The following BAG1 variants were observed in gnomAD, a reference collection of about 807,000 sequenced individuals.
BAG1 encodes the protein BAG cochaperone 1.
BAG1 carries 35 observed loss-of-function variants against 35.5 expected under a neutral mutation model. The ratio of observed to expected loss-of-function variants is 0.99; its 90% CI spans 0.75 to 1.31. BAG1 has a LOEUF of 1.31. BAG1 is among the 50% of genes most tolerant of loss of function. The pLI is 0.00. For missense variants in BAG1, 464 were observed against 453.6 expected, an observed-to-expected ratio of 1.02 and a Z score of -0.21; for synonymous variants, 191 against 178.9, an observed-to-expected ratio of 1.07 and a Z score of -0.54.
Position 33,255,110 on chromosome 9 carries a change from T to C in BAG1, c.*109A>G, listed in dbSNP as rs1248444318. ...GTGTGAGAGTAGGAAAATTGGCAAATGGCCAGTTGCCCCCAGCAGCCCTGA... is the reference window on the plus strand; with the variant it reads ...GTGTGAGAGTAGGAAAATTGGCAAACGGCCAGTTGCCCCCAGCAGCCCTGA... On this transcript the variant is annotated 3_prime_UTR_variant, in exon 7 of 7. Coordinates refer to ENST00000634734, the MANE Select transcript of BAG1 (RefSeq NM_004323.6). The C allele has an allele frequency of 1.2e-6, 2 of 1,610,704 alleles. No homozygotes were observed. Among genetic ancestry groups the C allele is most frequent in the Non-Finnish European group, 1.7e-6 (2 of 1,178,336 alleles).
At chr9:33,263,001 ATC>A (rs1361954209) in intron 1 of BAG1, among the ~76,000 whole-genome samples, 171 bp from the exon 2 acceptor site, 1 of 152,200 alleles carries the variant, frequency 6.6e-6, no homozygotes, top group Non-Finnish European at 1.5e-5. Flanking sequence ...CTCCTCAAGT[ATC>A]TCTGTTTCCT....
At chr9:33,258,824 A>G in intron 4 of BAG1, 96 bp downstream of exon 4, 1 of 964,538 alleles carries the variant, frequency 1.0e-6, no homozygotes, top group South Asian at 1.4e-5. Flanking sequence ...ATCTGAACCC[A>G]GGGAGTCTGA....
At chr9:33,259,351 G>A (rs899215676) in intron 3 of BAG1, 4 of 170,360 alleles carry the variant, frequency 2.3e-5, no homozygotes, top group Non-Finnish European at 3.7e-5. Context: ...GTGACAGAGC[G>A]AGACTGTCTC....
chr9:33,260,008 T>C (rs190768080), intron 3 of BAG1: 2 of 152,352 alleles, frequency 1.3e-5, no homozygotes, highest in East Asian at 3.9e-4. Flanking sequence ...GACTTTTTTC[T>C]TTTTTGAGAT....
chr9:33,256,257 C>T (rs142139464), intron 5 of BAG1, among the ~76,000 whole-genome samples: 23 of 152,288 alleles, frequency 1.5e-4, no homozygotes, highest in African/African-American at 5.5e-4. Flanking sequence ...CTCATTGTGA[C>T]AGGAAAAGTG....
At chr9:33,262,347 A>C (rs963345664) in intron 2 of BAG1, 2 of 1,188,668 alleles carry the variant, frequency 1.7e-6, no homozygotes, top group African/African-American at 3.2e-5. Flanking sequence ...GGCCATAAGG[A>C]AAAGCCGGAA....
Position 33,256,794 on chromosome 9 carries a change from T to TA in BAG1, c.885+6dup. On this transcript the variant is annotated splice_region_variant and intron_variant, in intron 5 of 6. Transcript: ENST00000634734. ...AACTAGTTCTTCTCAGCTGAATATT[T>TA]ACTTACCAGTGTGTCAATCTCCTCC... 1 of 1,605,894 alleles carries TA rather than the reference T, an allele frequency of 6.2e-7. No homozygotes were observed. The highest frequency in any genetic ancestry group is 8.5e-7 in the Non-Finnish European group (1 of 1,172,854).
In BAG1 at chr9:33,256,876, A is replaced by C; in HGVS notation, c.810T>G (p.Ala270=). 1.2e-6 allele frequency: 2 copies of C among 1,614,174 alleles called. No homozygotes were observed. Among genetic ancestry groups the C allele is most frequent in the Non-Finnish European group, 1.7e-6 (2 of 1,180,016 alleles). ...TTACTCTCCTATCAAGTTTGCAGAG[A>C]GCTTCAGCTTGCAAATCCTTGGGCA... The change falls in exon 5 of 7, where the codon GCT becomes GCG. Residue 270 remains alanine (A), a synonymous_variant. Coordinates refer to ENST00000634734, the MANE Select transcript of BAG1 (RefSeq NM_004323.6).
Position 33,256,845 on chromosome 9 carries a change from T to G in BAG1, c.841A>C (p.Thr281Pro). Residue 281 changes from threonine to proline, a missense_variant, in exon 5 of 7, where the codon ACA becomes CCA. Coordinates refer to ENST00000634734, the MANE Select transcript of BAG1 (RefSeq NM_004323.6). ...AAGATCTTCATAAACTGCTCTATTGTGGCTTTTACTCTCCTATCAAGTTTG... is the reference window on the plus strand; with the variant it reads ...AAGATCTTCATAAACTGCTCTATTGGGGCTTTTACTCTCCTATCAAGTTTG... The G allele has an allele frequency of 1.9e-6, 3 of 1,614,228 alleles. No individual in the cohort carries two copies. Among genetic ancestry groups the G allele is most frequent in the Non-Finnish European group, 2.5e-6 (3 of 1,180,026 alleles).
At chr9:33,256,746 G>T in intron 5 of BAG1, 55 bp downstream of exon 5, 1 of 1,411,964 alleles carries the variant, frequency 7.1e-7, no homozygotes, top group Non-Finnish European at 1.0e-6. Flanking sequence ...AAGAGTGAAT[G>T]TGACTGAAAT....
Position 33,263,306 on chromosome 9 carries a change from C to G in BAG1, c.452-476G>C, listed in dbSNP as rs7856357. Among the ~76,000 whole-genome samples, 887 of 152,310 alleles carry G rather than the reference C, an allele frequency of 5.8e-3. 8 individuals carry two copies. The highest frequency in any genetic ancestry group is 0.017 in the African/African-American group (723 of 41,556). ...GTACCCTGTATTGTATTGGTCTCGT[C>G]TCGCTTGCTGTAATGGGCAAGTGAC... On this transcript the variant is annotated intron_variant, in intron 1 of 6. Coordinates refer to ENST00000634734, the MANE Select transcript of BAG1 (RefSeq NM_004323.6).
At chr9:33,262,611 C>A (rs1820596531) in intron 2 of BAG1, 91 bp downstream of exon 2, 1 of 1,308,644 alleles carries the variant, frequency 7.6e-7, no homozygotes, top group Admixed American at 2.7e-5. Context: ...GAGCCTAGAT[C>A]GTGCCATTGC....
intron 2 of BAG1, 63 bp from the exon 3 acceptor site, chr9:33,261,232 G>T: frequency 7.8e-7 from 1 of 1,276,476 alleles, no homozygotes; most frequent in Non-Finnish European, 1.1e-6. Flanking sequence ...ATAAATTTCA[G>T]CAGGATACAG....
In BAG1 at chr9:33,255,137, G is replaced by T. The variant is rs1047593; in HGVS notation, c.*82C>A. On this transcript the variant is annotated 3_prime_UTR_variant, in exon 7 of 7. Coordinates refer to ENST00000634734, the MANE Select transcript of BAG1 (RefSeq NM_004323.6). Reference sequence around the variant, plus strand: ...GCCAGTTGCCCCCAGCAGCCCTGAAGAAATCAGGTAAATTCCGCTCCAGAG... The same window carrying T: ...GCCAGTTGCCCCCAGCAGCCCTGAATAAATCAGGTAAATTCCGCTCCAGAG... 3 of 1,613,768 alleles carry T rather than the reference G, an allele frequency of 1.9e-6. No individual in the cohort carries two copies. The Admixed American group carries it at 5.0e-5, about 27-fold the overall frequency.
intron 2 of BAG1, 108 bp from the exon 3 acceptor site, chr9:33,261,277 T>C (rs914332691): frequency 4.0e-6 from 3 of 745,806 alleles, no homozygotes; most frequent in Non-Finnish European, 6.5e-6. Flanking sequence ...TGAGAACTGG[T>C]ATCTTTTTAG....
At chr9:33,255,332 A>G in intron 6 of BAG1, 24 bp from the exon 7 acceptor site, 2 of 1,614,054 alleles carry the variant, frequency 1.2e-6, no homozygotes, top group Non-Finnish European at 8.5e-7. Flanking sequence ...ACGGGGCAGT[A>G]AGGGCCCATC....
chr9:33,258,647 T>C (rs1346815624), intron 4 of BAG1, among the ~76,000 whole-genome samples: 2 of 152,222 alleles, frequency 1.3e-5, no homozygotes, highest in African/African-American at 4.8e-5. Context: ...ACAATAACTA[T>C]GACAATAAAT....
At chr9:33,260,524 A>G (rs1357562302) in intron 3 of BAG1, 1 of 152,164 alleles carries the variant, frequency 6.6e-6, no homozygotes, top group Non-Finnish European at 1.5e-5. Context: ...TCATATGCTC[A>G]TAATTCTGCT....
At chr9:33,256,389 T>G (rs998597493) in intron 5 of BAG1, among the ~76,000 whole-genome samples, 1 of 152,240 alleles carries the variant, frequency 6.6e-6, no homozygotes, top group African/African-American at 2.4e-5. Flanking sequence ...TTAATGATTT[T>G]CAATGGCCTC....
Sources: allele counts gnomAD v4.1 joint callset (sites outside exome capture counted in the v4.1 genomes callset), GRCh38; gene constraint gnomAD v4.1.1; transcripts MANE v1.5; gene names NCBI Gene and HGNC (gene_info 2026-07-23, HGNC 2026-07-21).